Variants in NXPE2 observed in about 807,000 individuals in gnomAD.
NXPE2 encodes NXPE family member 2.
NXPE2 carries 34 observed loss-of-function variants against 34.4 expected under a neutral mutation model. The ratio of observed to expected loss-of-function variants is 0.99; its 90% CI spans 0.75 to 1.31. The LOEUF is 1.31. Among genes scored for constraint, NXPE2 ranks in the 40% most tolerant of loss-of-function variants. The probability of loss-of-function intolerance (pLI) is 0.00; values close to 1 mark genes in which losing one functional copy is unlikely to be tolerated. For missense variants in NXPE2, 649 were observed against 672.5 expected (o/e 0.97, Z 0.39); for synonymous variants, 235 against 231.3 (o/e 1.02, Z -0.15).
the NXPE2 span, among the ~76,000 whole-genome samples, chr11:114,733,356 G>C: frequency 6.6e-6 from 1 of 152,176 alleles, no homozygotes; most frequent in Non-Finnish European, 1.5e-5. Context: ...GCCTCCCAAA[G>C]TGCTGGGATT....
At chr11:114,493,184 G>T in the NXPE2 span, among the ~76,000 whole-genome samples, 92,668 of 151,914 alleles carry the variant, frequency 0.61, 29,703 homozygotes, top group African/African-American at 0.82. Context: ...TTCCATCCCT[G>T]TATTTTCAGT....
the NXPE2 span, chr11:114,582,498 T>C: frequency 1.8e-5 from 29 of 1,614,054 alleles, no homozygotes; most frequent in Admixed American, 4.8e-4. Flanking sequence ...ATTGACAAAC[T>C]GGCCAGTGAA....
the NXPE2 span, chr11:114,530,347 C>T: frequency 6.2e-7 from 1 of 1,614,170 alleles, no homozygotes; most frequent in Non-Finnish European, 8.5e-7. Context: ...AGGGTCAGGC[C>T]ACATTCAGTG....
At chr11:114,663,638 A>ATCTATCATCTATCTATCATCTC in the NXPE2 span, among the ~76,000 whole-genome samples, 1 of 7,772 alleles carries the variant, frequency 1.3e-4, no homozygotes, top group Non-Finnish European at 4.7e-4. Context: ...TCTATCTATC[A>ATCTATCATCTATCTATCATCTC]TCTATCCATC....
the NXPE2 span, among the ~76,000 whole-genome samples, chr11:114,581,103 T>G: frequency 0.088 from 13,353 of 152,256 alleles, 769 homozygotes; most frequent in Middle Eastern, 0.21. Context: ...TTAGCAAGGC[T>G]TTCTTTCTTT....
the NXPE2 span, among the ~76,000 whole-genome samples, chr11:114,508,345 T>G: frequency 6.6e-6 from 1 of 152,206 alleles, no homozygotes; most frequent in East Asian, 1.9e-4. Context: ...TTCAATACTA[T>G]TCCTATTCAA....
chr11:114,688,643 A>G (rs967950208), intron 2 of NXPE2, among the ~76,000 whole-genome samples: 3 of 152,022 alleles, frequency 2.0e-5, no homozygotes. Flanking sequence ...ATTTTTTGGA[A>G]TAGTTTCAGT....
the NXPE2 span, among the ~76,000 whole-genome samples, chr11:114,670,846 C>T: frequency 4.0e-5 from 6 of 151,432 alleles, no homozygotes; most frequent in African/African-American, 1.5e-4. Context: ...GAGAGAATGA[C>T]TCACGAACAG....
the NXPE2 span, among the ~76,000 whole-genome samples, chr11:114,632,746 AT>A: frequency 4.5e-5 from 1 of 22,014 alleles, no homozygotes; most frequent in Non-Finnish European, 7.5e-5. Flanking sequence ...TATAAAATAT[AT>A]TATAATATAT....
At chr11:114,628,996 C>A in the NXPE2 span, among the ~76,000 whole-genome samples, 168 of 152,104 alleles carry the variant, frequency 1.1e-3, 1 homozygote, top group African/African-American at 4.0e-3. Flanking sequence ...TCTGAATAGA[C>A]CAATAACAGG....
chr11:114,694,270 A>T (rs928040547), intron 2 of NXPE2, among the ~76,000 whole-genome samples: 1 of 152,224 alleles, frequency 6.6e-6, no homozygotes, highest in African/African-American at 2.4e-5. Flanking sequence ...TTGCCATGTA[A>T]CTTAACATAT....
the NXPE2 span, among the ~76,000 whole-genome samples, chr11:114,758,826 A>G: frequency 3.4e-5 from 5 of 147,988 alleles, no homozygotes; most frequent in South Asian, 2.1e-4. Flanking sequence ...TATATTTTCT[A>G]TATATATTTT....
chr11:114,572,696 C>T, the NXPE2 span, among the ~76,000 whole-genome samples: 2,992 of 152,210 alleles, frequency 0.02, 41 homozygotes, highest in Middle Eastern at 0.061. Flanking sequence ...AACAAAGCCA[C>T]CAAGAAGTTT....
the NXPE2 span, among the ~76,000 whole-genome samples, chr11:114,640,218 A>G: frequency 7.1e-6 from 1 of 139,984 alleles, no homozygotes; most frequent in East Asian, 2.1e-4. Context: ...TTTAAAATGT[A>G]ATTTATATAT....
At chr11:114,801,808 G>A in the NXPE2 span, among the ~76,000 whole-genome samples, 1 of 152,140 alleles carries the variant, frequency 6.6e-6, no homozygotes, top group African/African-American at 2.4e-5. Context: ...TGCAATTGGT[G>A]GTACTATTTA....
At chr11:114,527,583 A>C in the NXPE2 span, among the ~76,000 whole-genome samples, 1 of 152,008 alleles carries the variant, frequency 6.6e-6, no homozygotes, top group South Asian at 2.1e-4. Flanking sequence ...AGTGCCTAAG[A>C]CTCTAGGAGA....
chr11:114,714,688 C>T, the NXPE2 span, among the ~76,000 whole-genome samples: 2 of 152,090 alleles, frequency 1.3e-5, no homozygotes, highest in African/African-American at 2.4e-5. Flanking sequence ...TTTGTGACCT[C>T]ACAGTAATAG....
At chr11:114,596,089 T>A in the NXPE2 span, among the ~76,000 whole-genome samples, 5 of 152,306 alleles carry the variant, frequency 3.3e-5, no homozygotes, top group Non-Finnish European at 5.9e-5. Flanking sequence ...AAAGTCAAAC[T>A]TTCTAGTTTC....
At chr11:114,721,194 G>A in the NXPE2 span, among the ~76,000 whole-genome samples, 3 of 151,254 alleles carry the variant, frequency 2.0e-5, no homozygotes, top group Non-Finnish European at 4.4e-5. Flanking sequence ...GGTGATTAGT[G>A]TTCATGTGGG....
Sources: gnomAD v4.1 joint callset for allele counts (sites outside exome capture counted in the v4.1 genomes callset) on GRCh38, gnomAD v4.1.1 for gene constraint, MANE v1.5 for transcripts, NCBI Gene and HGNC (gene_info 2026-07-23, HGNC 2026-07-21) for gene names.